Variants in NAALADL2 observed in about 807,000 individuals in gnomAD.
NAALADL2 encodes the protein N-acetylated alpha-linked acidic dipeptidase like 2.
NAALADL2 carries 76 observed loss-of-function variants against 87.2 expected under a neutral mutation model. The ratio of observed to expected loss-of-function variants is 0.87; its 90% CI spans 0.72 to 1.05. The LOEUF (loss-of-function observed/expected upper bound fraction) is 1.05. Ranked by LOEUF, NAALADL2 falls within the 50% of genes least tolerant of loss-of-function variation. The pLI is 0.00. For missense variants in NAALADL2, 1,089 were observed against 945.8 expected (o/e 1.15, Z -1.99); for synonymous variants, 354 against 331.0 (o/e 1.07, Z -0.75).
At chr3:174,870,854 G>A (rs1230499606) in intron 1 of NAALADL2, among the ~76,000 whole-genome samples, 1 of 152,036 alleles carries the variant, frequency 6.6e-6, no homozygotes, top group African/African-American at 2.4e-5. Flanking sequence ...TATAGCTGAT[G>A]TATCTGCTTT....
chr3:175,010,093 G>A (rs1278795710), intron 1 of NAALADL2, among the ~76,000 whole-genome samples: 1 of 151,800 alleles, frequency 6.6e-6, no homozygotes, highest in Non-Finnish European at 1.5e-5. Context: ...ATTGTGGGGT[G>A]GATCTTGATT....
chr3:175,167,039 C>A (rs1204418732), intron 2 of NAALADL2, among the ~76,000 whole-genome samples: 1 of 152,020 alleles, frequency 6.6e-6, no homozygotes, highest in South Asian at 2.1e-4. Context: ...CATTTAAGTT[C>A]TTTCTAGTGC....
At chr3:174,745,115 G>T (rs1238527866) in intron 3 of NAALADL2, among the ~76,000 whole-genome samples, 1 of 151,456 alleles carries the variant, frequency 6.6e-6, no homozygotes, top group African/African-American at 2.4e-5. Context: ...AACTGAAGGA[G>T]ATAGAGACAC....
chr3:175,174,835 T>G (rs1473944242), intron 2 of NAALADL2, among the ~76,000 whole-genome samples: 1 of 62,944 alleles, frequency 1.6e-5, no homozygotes, highest in African/African-American at 3.9e-5. Flanking sequence ...CACACACACA[T>G]GCACACAGAC....
chr3:174,848,125 CAATT>C (rs1277214570), intron 3 of NAALADL2, among the ~76,000 whole-genome samples: 1 of 151,538 alleles, frequency 6.6e-6, no homozygotes, highest in Non-Finnish European at 1.5e-5. Context: ...TTATTAAAAA[CAATT>C]AAGTACCAAA....
intron 2 of NAALADL2, among the ~76,000 whole-genome samples, chr3:174,597,349 T>C (rs1450018439): frequency 1.3e-5 from 2 of 152,120 alleles, no homozygotes; most frequent in Admixed American, 1.3e-4. Context: ...AACATTTTAG[T>C]CTCCCAGAAG....
chr3:175,265,782 A>G (rs917160126), intron 4 of NAALADL2, among the ~76,000 whole-genome samples: 10 of 151,570 alleles, frequency 6.6e-5, no homozygotes, highest in Admixed American at 6.6e-4. Context: ...AGCCTGTAAT[A>G]AGCTATAAAA....
At chr3:175,547,612 G>A (rs12491252) in intron 9 of NAALADL2, among the ~76,000 whole-genome samples, 21,994 of 152,106 alleles carry the variant, frequency 0.14, 1,938 homozygotes, top group Middle Eastern at 0.22. Flanking sequence ...TATCATCAGC[G>A]TGAATAGACA....
At chr3:175,580,157 C>G (rs1285974444) in intron 10 of NAALADL2, among the ~76,000 whole-genome samples, 1 of 151,984 alleles carries the variant, frequency 6.6e-6, no homozygotes, top group African/African-American at 2.4e-5. Context: ...TTTTGAAACT[C>G]TTACTAAATT....
chr3:175,199,835 TATATATATATATATATATATATATATA>T (rs1560153070), intron 2 of NAALADL2, among the ~76,000 whole-genome samples: 4 of 11,252 alleles, frequency 3.6e-4, no homozygotes, highest in African/African-American at 1.1e-3. Context: ...TATATATATA[TATATATATATATATATATATATATATA>T]TATTTTTTTT....
Position 174,909,333 on chromosome 3 carries a change from C to T in NAALADL2, c.43+49883C>T, listed in dbSNP as rs1184639375. ...TGCTTGAATCCCGGGAGACAGAGGT[C>T]GCCATGAGCCAAGACAGTGCCATTG... On this transcript the variant is annotated intron_variant, in intron 1 of 13. Coordinates refer to ENST00000454872, the MANE Select transcript of NAALADL2 (RefSeq NM_207015.3). Among the ~76,000 whole-genome samples, 4 of 152,074 alleles carry T rather than the reference C, an allele frequency of 2.6e-5. No homozygotes were observed. The South Asian group carries it at 6.2e-4, about 24-fold the overall frequency.
intron 1 of NAALADL2, among the ~76,000 whole-genome samples, chr3:174,982,026 G>T (rs1745187906): frequency 6.6e-6 from 1 of 152,172 alleles, no homozygotes; most frequent in African/African-American, 2.4e-5. Flanking sequence ...TTCAAGGAAA[G>T]CTAGCAAGTC....
chr3:175,469,480 G>A (rs1724564352), intron 8 of NAALADL2, among the ~76,000 whole-genome samples: 3 of 152,082 alleles, frequency 2.0e-5, no homozygotes, highest in African/African-American at 7.2e-5. Flanking sequence ...CACAGTGGTA[G>A]TTAAGAGGAT....
intron 5 of NAALADL2, among the ~76,000 whole-genome samples, chr3:175,358,482 C>T (rs1191807628): frequency 2.0e-5 from 3 of 150,288 alleles, no homozygotes; most frequent in Admixed American, 6.6e-5. Context: ...TAATCTGTCA[C>T]GGGAGTAGTT....
chr3:175,785,886 T>G (rs1258830711), intron 13 of NAALADL2, among the ~76,000 whole-genome samples: 1 of 149,864 alleles, frequency 6.7e-6, no homozygotes, highest in African/African-American at 2.5e-5. Flanking sequence ...AGGAGCTCTT[T>G]TAGGGCAGGC....
At chr3:175,273,818 A>G (rs1753200719) in intron 4 of NAALADL2, among the ~76,000 whole-genome samples, 1 of 151,838 alleles carries the variant, frequency 6.6e-6, no homozygotes, top group African/African-American at 2.4e-5. Flanking sequence ...GGTTTTTATT[A>G]TTTTCTCCTT....
intron 2 of NAALADL2, among the ~76,000 whole-genome samples, chr3:174,572,406 G>A (rs1715035344): frequency 6.6e-6 from 1 of 152,122 alleles, no homozygotes; most frequent in Non-Finnish European, 1.5e-5. Flanking sequence ...TTTGTAAAAT[G>A]TATTTGCCAA....
chr3:174,684,231 G>T (rs893974732), intron 2 of NAALADL2, among the ~76,000 whole-genome samples: 1 of 151,928 alleles, frequency 6.6e-6, no homozygotes, highest in Non-Finnish European at 1.5e-5. Flanking sequence ...TTTAGAATTT[G>T]TAGATTCAGG....
intron 2 of NAALADL2, among the ~76,000 whole-genome samples, chr3:175,143,586 A>T (rs1025435908): frequency 6.6e-6 from 1 of 151,026 alleles, no homozygotes; most frequent in Admixed American, 6.6e-5. Context: ...TGAAACTACC[A>T]TCACATTTAA....
Sources: allele counts gnomAD v4.1 joint callset (sites outside exome capture counted in the v4.1 genomes callset), GRCh38; gene constraint gnomAD v4.1.1; transcripts MANE v1.5; gene names NCBI Gene and HGNC (gene_info 2026-07-23, HGNC 2026-07-21).